Variants in SLC22A15 observed in about 807,000 individuals in gnomAD.
The protein encoded by SLC22A15 is flipt 1.
A neutral mutation model predicts 62.7 loss-of-function variants in SLC22A15; 45 were observed. The ratio of observed to expected loss-of-function variants is 0.72; its 90% CI spans 0.56 to 0.92. The LOEUF is 0.92. Among genes scored for constraint, SLC22A15 ranks in the 40% least tolerant of loss-of-function variants. The probability of loss-of-function intolerance (pLI) is 0.00; values close to 1 mark genes in which losing one functional copy is unlikely to be tolerated. For missense variants in SLC22A15, 622 were observed against 665.6 expected (o/e 0.93, Z 0.72); for synonymous variants, 264 against 267.0 (o/e 0.99, Z 0.11).
At chr1:116,023,987 G>C (rs1656966939) in intron 4 of SLC22A15, among the ~76,000 whole-genome samples, 1 of 152,188 alleles carries the variant, frequency 6.6e-6, no homozygotes, top group Non-Finnish European at 1.5e-5. Flanking sequence ...GGGACCAGAT[G>C]ATACAGGGCC....
At chr1:116,006,552 C>T (rs189361550) in intron 2 of SLC22A15, among the ~76,000 whole-genome samples, 3 of 152,192 alleles carry the variant, frequency 2.0e-5, no homozygotes, top group East Asian at 1.9e-4. Context: ...ATAGTAGCTA[C>T]GTCTTTTCCT....
intron 2 of SLC22A15, among the ~76,000 whole-genome samples, chr1:116,015,949 A>T (rs192023383): frequency 5.9e-5 from 9 of 152,270 alleles, no homozygotes; most frequent in East Asian, 1.9e-4. Flanking sequence ...AGCATTCCTC[A>T]TGAGTCAAAA....
chr1:116,019,836 G>C, intron 3 of SLC22A15, 122 bp downstream of exon 3: 1 of 1,108,508 alleles, frequency 9.0e-7, no homozygotes, highest in South Asian at 1.8e-5. Flanking sequence ...ACACAGAACT[G>C]ATCTTTATTA....
intron 1 of SLC22A15, among the ~76,000 whole-genome samples, chr1:115,986,272 G>GAT (rs1238212309): frequency 2.0e-5 from 3 of 151,722 alleles, no homozygotes; most frequent in African/African-American, 7.3e-5. Context: ...ATACATATTT[G>GAT]ATATATATAT....
chr1:116,021,951 C>T (rs1656858869), intron 4 of SLC22A15, among the ~76,000 whole-genome samples: 1 of 152,210 alleles, frequency 6.6e-6, no homozygotes. Flanking sequence ...GAGTGCTGGC[C>T]TGGTCAACCT....
chr1:116,037,974 A>T (rs1296781232), intron 8 of SLC22A15, among the ~76,000 whole-genome samples: 2 of 152,240 alleles, frequency 1.3e-5, no homozygotes, highest in East Asian at 3.8e-4. Flanking sequence ...TTCAAGAAGG[A>T]TCCCTTTAGC....
At chr1:116,042,029 G>A (rs184310728) in intron 8 of SLC22A15, among the ~76,000 whole-genome samples, 32 of 151,500 alleles carry the variant, frequency 2.1e-4, no homozygotes, top group Admixed American at 9.9e-4. Context: ...TAACTTAACT[G>A]CATCACGGAA....
chr1:116,049,207 C>A (rs1436962820), intron 8 of SLC22A15, among the ~76,000 whole-genome samples: 2 of 152,090 alleles, frequency 1.3e-5, no homozygotes. Context: ...ACAAAATCAA[C>A]AAAGAAATAA....
chr1:115,986,162 G>A (rs139020886), intron 1 of SLC22A15, among the ~76,000 whole-genome samples: 3 of 151,922 alleles, frequency 2.0e-5, no homozygotes, highest in African/African-American at 7.2e-5. Flanking sequence ...TTAGTGATTG[G>A]AGCAAAAATT....
rs530384842 is a variant in SLC22A15, at chr1:116,020,734, C to G, written c.447C>G (p.Asp149Glu). 6.2e-7 allele frequency: 1 copy of G among 1,611,434 alleles called. No homozygotes were observed. Among genetic ancestry groups the G allele is most frequent in the East Asian group, 2.2e-5 (1 of 44,762 alleles). Residue 149 changes from aspartate to glutamate, a missense_variant, in exon 4 of 12, where the codon GAC becomes GAG. Coordinates refer to ENST00000369503, the MANE Select transcript of SLC22A15 (RefSeq NM_018420.3). ...TTCTCTTTCTAGGTTTTGCTCTTGA[C>G]ATCTTATTTGCAATTGCAAATGGAT... ...KKVYLTGFALDILFAIANGFS... is the reference protein window; with the variant it reads ...KKVYLTGFALEILFAIANGFS...
Position 116,027,515 on chromosome 1 carries a change from G to A in SLC22A15, c.728+493G>A, listed in dbSNP as rs181989979. 2.2e-4 allele frequency among the ~76,000 whole-genome samples: 34 copies of A among 152,216 alleles called. 1 individual carries two copies. The highest frequency in any genetic ancestry group is 1.9e-3 in the Admixed American group (29 of 15,290). On this transcript the variant is annotated intron_variant, in intron 5 of 11. Coordinates refer to ENST00000369503, the MANE Select transcript of SLC22A15 (RefSeq NM_018420.3). ...TTAGGGTGCACGGCCTCATAGCAGT[G>A]GCAGGATGATTCCCTGGTCAGGGAA...
intron 1 of SLC22A15, among the ~76,000 whole-genome samples, chr1:115,978,823 G>A (rs891513448): frequency 2.0e-5 from 3 of 152,216 alleles, no homozygotes; most frequent in Non-Finnish European, 4.4e-5. Flanking sequence ...TCTTGGGGAT[G>A]AGGTTTTGCT....
chr1:116,041,638 A>T (rs996952280), intron 8 of SLC22A15, among the ~76,000 whole-genome samples: 6 of 152,168 alleles, frequency 3.9e-5, no homozygotes, highest in African/African-American at 1.4e-4. Context: ...ATTCTTACTA[A>T]ATTGAAGAAA....
chr1:116,030,744 A>G (rs1657353351), intron 5 of SLC22A15, among the ~76,000 whole-genome samples: 4 of 152,196 alleles, frequency 2.6e-5, no homozygotes, highest in African/African-American at 9.6e-5. Flanking sequence ...TATTAAAGCC[A>G]GTGTGTCAGG....
chr1:116,062,918 C>G, intron 9 of SLC22A15, 36 bp downstream of exon 9: 1 of 1,607,552 alleles, frequency 6.2e-7, no homozygotes, highest in Non-Finnish European at 8.5e-7. Context: ...TTCACACATT[C>G]TACACTTTGT....
chr1:116,008,235 A>G (rs1054017721), intron 2 of SLC22A15, among the ~76,000 whole-genome samples: 2 of 152,212 alleles, frequency 1.3e-5, no homozygotes, highest in Non-Finnish European at 1.5e-5. Context: ...CCCAGGAAAC[A>G]CTTCCCGGTT....
At chr1:116,066,019 G>A (rs938489215) in intron 10 of SLC22A15, among the ~76,000 whole-genome samples, 3 of 152,142 alleles carry the variant, frequency 2.0e-5, no homozygotes, top group Non-Finnish European at 4.4e-5. Flanking sequence ...TTTTAAAAGA[G>A]TTTTTACACC....
chr1:116,054,239 G>A (rs1462249048), intron 8 of SLC22A15, among the ~76,000 whole-genome samples: 3 of 151,758 alleles, frequency 2.0e-5, no homozygotes, highest in Non-Finnish European at 4.4e-5. Context: ...AACAAAAAAA[G>A]GCATGGGTTG....
chr1:116,031,960 TA>T, intron 6 of SLC22A15: 1 of 1,069,928 alleles, frequency 9.3e-7, no homozygotes, highest in Non-Finnish European at 1.1e-6. Context: ...TAAAAATACT[TA>T]CCTTTGGCAC....
Sources: gnomAD v4.1 joint callset for allele counts (sites outside exome capture counted in the v4.1 genomes callset) on GRCh38, gnomAD v4.1.1 for gene constraint, MANE v1.5 for transcripts, NCBI Gene and HGNC (gene_info 2026-07-23, HGNC 2026-07-21) for gene names.